Variants in CPA6 observed in about 807,000 individuals in gnomAD.
CPA6 encodes carboxypeptidase A6.
Under a neutral mutation model 63.3 loss-of-function variants are expected in CPA6, and 58 were observed. The ratio of observed to expected loss-of-function variants is 0.92; its 90% CI spans 0.74 to 1.14. The LOEUF is 1.14. CPA6 is among the 50% of genes most tolerant of loss of function. CPA6 has a pLI of 0.00. For synonymous variants in CPA6, 185 were observed against 179.0 expected, an observed-to-expected ratio of 1.03 and a Z score of -0.27; for missense variants, 565 against 526.6, an observed-to-expected ratio of 1.07 and a Z score of -0.71.
At chr8:67,498,561 A>AAAG (rs1811769613) in intron 6 of CPA6, among the ~76,000 whole-genome samples, 3 of 151,396 alleles carry the variant, frequency 2.0e-5, no homozygotes, top group Non-Finnish European at 4.4e-5. Flanking sequence ...AAAAAAAAAA[A>AAAG]AATTAACGCC....
At chr8:67,734,613 T>C (rs932019390) in intron 1 of CPA6, among the ~76,000 whole-genome samples, 1 of 152,196 alleles carries the variant, frequency 6.6e-6, no homozygotes, top group African/African-American at 2.4e-5. Context: ...ATATTTTTTT[T>C]CTGCAGCAAA....
chr8:67,513,935 G>A (rs1469209201), intron 3 of CPA6, among the ~76,000 whole-genome samples: 1 of 151,922 alleles, frequency 6.6e-6, no homozygotes, highest in Non-Finnish European at 1.5e-5. Flanking sequence ...AAAGTTTCCA[G>A]GTTGGGGAGG....
intron 1 of CPA6, among the ~76,000 whole-genome samples, chr8:67,690,417 A>G (rs1587704754): frequency 6.6e-6 from 1 of 152,238 alleles, no homozygotes; most frequent in Non-Finnish European, 1.5e-5. Context: ...CAGCACATCA[A>G]GTAAATTTGT....
intron 2 of CPA6, among the ~76,000 whole-genome samples, chr8:67,526,415 T>G (rs1812365271): frequency 6.6e-6 from 1 of 152,228 alleles, no homozygotes; most frequent in African/African-American, 2.4e-5. Context: ...GTCTTGTTCT[T>G]ATCTTATTTC....
chr8:67,552,580 T>C (rs905143001), intron 2 of CPA6, among the ~76,000 whole-genome samples: 9 of 151,776 alleles, frequency 5.9e-5, no homozygotes, highest in African/African-American at 7.2e-5. Flanking sequence ...AAGACCATCC[T>C]GGCTAACACA....
intron 2 of CPA6, among the ~76,000 whole-genome samples, chr8:67,576,693 A>G (rs1034768546): frequency 6.6e-6 from 1 of 152,170 alleles, no homozygotes; most frequent in African/African-American, 2.4e-5. Flanking sequence ...CTGACTTCAT[A>G]AATTTCAAAC....
In CPA6 at chr8:67,518,737, C is replaced by T. The variant is rs190246105; in HGVS notation, c.193-690G>A. ...TATTGGCCAGGCTGGTCTTGAACTC[C>T]TGACCTCAAGTGATCCACCCTTCTT... On this transcript the variant is annotated intron_variant, in intron 2 of 10. Transcript: ENST00000297770. 1.5e-4 allele frequency among the ~76,000 whole-genome samples: 23 copies of T among 152,062 alleles called. No individual in the cohort carries two copies. The East Asian group carries it at 4.3e-3, about 28-fold the overall frequency.
chr8:67,709,242 A>G (rs1268566507), intron 1 of CPA6, among the ~76,000 whole-genome samples: 1 of 152,244 alleles, frequency 6.6e-6, no homozygotes, highest in Admixed American at 6.5e-5. Context: ...TCAGGGGAGA[A>G]GAAACACAGA....
chr8:67,633,169 CTCT>C (rs925275145), intron 1 of CPA6, among the ~76,000 whole-genome samples: 1 of 152,088 alleles, frequency 6.6e-6, no homozygotes, highest in African/African-American at 2.4e-5. Flanking sequence ...CTTAGAAAAA[CTCT>C]TCTTTGTTTT....
chr8:67,460,365 T>G (rs994226048), intron 8 of CPA6, among the ~76,000 whole-genome samples: 6 of 152,230 alleles, frequency 3.9e-5, no homozygotes, highest in Non-Finnish European at 7.3e-5. Flanking sequence ...TAATAAGAGT[T>G]AAGAGATTGC....
chr8:67,477,350 C>G (rs1309823335), intron 8 of CPA6, among the ~76,000 whole-genome samples: 1 of 147,348 alleles, frequency 6.8e-6, no homozygotes, highest in Non-Finnish European at 1.5e-5. Context: ...CAGTTTAGCT[C>G]ATTCATCTTC....
At chr8:67,593,415 C>T (rs1056416270) in intron 2 of CPA6, among the ~76,000 whole-genome samples, 2 of 151,974 alleles carry the variant, frequency 1.3e-5, no homozygotes, top group African/African-American at 4.8e-5. Flanking sequence ...TTGGTGCAGA[C>T]CTGAGTTCAA....
At chr8:67,655,949 C>G (rs918268518) in intron 1 of CPA6, among the ~76,000 whole-genome samples, 1 of 152,118 alleles carries the variant, frequency 6.6e-6, no homozygotes, top group Non-Finnish European at 1.5e-5. Flanking sequence ...TACATCTTAC[C>G]TATCTCCTTA....
intron 2 of CPA6, among the ~76,000 whole-genome samples, chr8:67,591,203 C>T (rs1360488037): frequency 3.3e-5 from 5 of 152,036 alleles, no homozygotes; most frequent in South Asian, 2.1e-4. Context: ...TGTAGATATG[C>T]GGCATTATTT....
At chr8:67,744,692 A>C (rs1817975415) in intron 1 of CPA6, among the ~76,000 whole-genome samples, 1 of 152,196 alleles carries the variant, frequency 6.6e-6, no homozygotes, top group African/African-American at 2.4e-5. Flanking sequence ...ATCAGTCTTT[A>C]AACATGAGCT....
At chr8:67,644,915 C>T (rs1343809684) in intron 1 of CPA6, among the ~76,000 whole-genome samples, 2 of 152,174 alleles carry the variant, frequency 1.3e-5, no homozygotes, top group Admixed American at 6.5e-5. Flanking sequence ...CATACATACT[C>T]TTGCCTAAAA....
At chr8:67,632,154 G>GTT (rs925611907) in intron 1 of CPA6, among the ~76,000 whole-genome samples, 3 of 74,940 alleles carry the variant, frequency 4.0e-5, no homozygotes, top group African/African-American at 2.3e-4. Context: ...GATGCTGTGT[G>GTT]TGTGTGTGTG....
chr8:67,544,850 G>A (rs142990429), intron 2 of CPA6, among the ~76,000 whole-genome samples: 5 of 152,262 alleles, frequency 3.3e-5, no homozygotes, highest in African/African-American at 7.2e-5. Context: ...CCACGCAGCT[G>A]CCTTTCACTT....
At chr8:67,744,883 A>G (rs1374223888) in intron 1 of CPA6, among the ~76,000 whole-genome samples, 2 of 152,164 alleles carry the variant, frequency 1.3e-5, no homozygotes, top group Admixed American at 1.3e-4. Context: ...CAACACCTCC[A>G]TCTCATCCTG....
Sources: allele counts gnomAD v4.1 joint callset (sites outside exome capture counted in the v4.1 genomes callset), GRCh38; gene constraint gnomAD v4.1.1; transcripts MANE v1.5; gene names NCBI Gene and HGNC (gene_info 2026-07-23, HGNC 2026-07-21).